LACC1: variants seen among roughly 807,000 people sequenced by gnomAD.
LACC1 encodes the protein laccase domain multifunctional purine nucleosidase 1.
LACC1 carries 25 observed loss-of-function variants against 34.8 expected under a neutral mutation model. The ratio of observed to expected loss-of-function variants is 0.72; its 90% confidence interval spans 0.52 to 1.00. The LOEUF is 1.00. Among genes scored for constraint, LACC1 ranks in the 50% least tolerant of loss-of-function variants. LACC1 has a pLI of 0.00. For synonymous variants in LACC1, 162 were observed against 168.0 expected (o/e 0.96, Z 0.28); for missense variants, 426 against 511.2 (o/e 0.83, Z 1.61).
In LACC1 at chr13:43,880,979, T is replaced by G; in HGVS notation, c.-7T>G. On this transcript the variant is annotated 5_prime_UTR_variant, in exon 2 of 7. Coordinates refer to ENST00000325686, the MANE Select transcript of LACC1 (RefSeq NM_153218.4). ...GATTTATTTGGCATAAAAGTATTCT[T>G]TCAAGGATGGCAGAAGCTGTTTTGA... 1 of 1,606,566 alleles carries G rather than the reference T, an allele frequency of 6.2e-7. No homozygotes were observed. The highest frequency in any genetic ancestry group is 8.5e-7 in the Non-Finnish European group (1 of 1,176,124).
chr13:43,882,106 C>T (rs1157505470), intron 2 of LACC1, 79 bp from the exon 3 acceptor site: 3 of 1,038,032 alleles, frequency 2.9e-6, no homozygotes. Flanking sequence ...GGGCAGGTAG[C>T]AGTGATCAGG....
chr13:43,883,836 C>T lies in LACC1; in HGVS notation c.807C>T (p.Thr269=). The T allele has an allele frequency of 6.2e-7, 1 of 1,613,524 alleles. No homozygotes were observed. The highest frequency in any genetic ancestry group is 8.5e-7 in the Non-Finnish European group (1 of 1,179,590). The change falls in exon 4 of 7, where the codon ACC becomes ACT. Residue 269 remains threonine, a synonymous_variant. Coordinates refer to ENST00000325686, the MANE Select transcript of LACC1 (RefSeq NM_153218.4). ...RKEPDSYDGI[T]TNQRGVTIAA... The stretch of plus-strand genomic sequence containing the variant: ...AGCCTGACTCTTATGATGGAATAAC[C>T]ACAAATCAGAGAGGAGTCACAATAG...
chr13:43,881,617 C>A lies in LACC1; in HGVS notation c.562+70C>A, dbSNP rs1407492081. On this transcript the variant is annotated intron_variant, in intron 2 of 6. Coordinates refer to ENST00000325686, the MANE Select transcript of LACC1 (RefSeq NM_153218.4). Reference sequence around the variant, plus strand: ...CTAGTCTTTCTTCAGAGGTAGTTCACCTCTTTTTTTCCTCCTTTCTTTTGT... The same window carrying A: ...CTAGTCTTTCTTCAGAGGTAGTTCAACTCTTTTTTTCCTCCTTTCTTTTGT... 3 of 1,192,772 alleles carry A rather than the reference C, an allele frequency of 2.5e-6. No homozygotes were observed. The African/African-American group carries it at 4.6e-5, about 18-fold the overall frequency. The allele number at this position is 1,192,772 out of a possible 1,614,324, so 73.9% of individuals were successfully genotyped here.
intron 2 of LACC1, among the ~76,000 whole-genome samples, chr13:43,881,785 T>A (rs1458623994): frequency 6.6e-6 from 1 of 152,178 alleles, no homozygotes; most frequent in Non-Finnish European, 1.5e-5. Flanking sequence ...AATTTGATGA[T>A]GAGACAAATA....
Position 43,890,039 on chromosome 13 carries a change from C to T in LACC1, c.1134-75C>T, listed in dbSNP as rs115557042. 574 of 1,283,800 alleles carry T rather than the reference C, an allele frequency of 4.5e-4. 2 individuals carry two copies. The African/African-American group carries it at 8.1e-3, about 18-fold the overall frequency. 79.5% of individuals were successfully genotyped at this position (1,283,800 alleles called of 1,614,324 possible). A position where few individuals can be genotyped will look rare whatever the true frequency, so the allele number is the denominator to read the frequency against. ...CCTGGAACTTTTTCATGCCAACATC[C>T]ATACTTTTTTTCATATTGCTTTGGC... On this transcript the variant is annotated intron_variant, in intron 5 of 6. Coordinates refer to ENST00000325686, the MANE Select transcript of LACC1 (RefSeq NM_153218.4).
At chr13:43,884,203 C>G (rs1463444084) in intron 4 of LACC1, among the ~76,000 whole-genome samples, 2 of 152,130 alleles carry the variant, frequency 1.3e-5, no homozygotes, top group Non-Finnish European at 2.9e-5. Context: ...TAACAGTGTT[C>G]CTTAGCAAGG....
At chr13:43,889,106 A>G (rs1043422003) in intron 5 of LACC1, 124 bp downstream of exon 5, 6 of 702,818 alleles carry the variant, frequency 8.5e-6, no homozygotes, top group Non-Finnish European at 4.9e-6. Context: ...AGCAGCTGAC[A>G]TGCACATGTA....
chr13:43,891,255 T>A lies in LACC1; in HGVS notation c.*2-194T>A, dbSNP rs1955558910. ...TACAAAAATATTTCATGGCACTGAT[T>A]TAGCACTGCCCCTATAAGATATGTG... On this transcript the variant is annotated intron_variant, in intron 6 of 6. Transcript: ENST00000325686. 3.9e-5 allele frequency among the ~76,000 whole-genome samples: 6 copies of A among 152,232 alleles called. No individual in the cohort carries two copies. In the South Asian group the frequency reaches 1.2e-3, roughly 32 times the overall value.
Position 43,892,231 on chromosome 13 carries a change from A to C in LACC1, c.*784A>C, listed in dbSNP as rs1248468314. The C allele has an allele frequency of 9.5e-5, 14 of 147,910 alleles. No individual in the cohort carries two copies. Among genetic ancestry groups the C allele is most frequent in the African/African-American group, 3.0e-4 (12 of 40,630 alleles). 9.2% of individuals were successfully genotyped at this position (147,910 alleles called of 1,614,324 possible). A position where few individuals can be genotyped will look rare whatever the true frequency, so the allele number is the denominator to read the frequency against. On this transcript the variant is annotated 3_prime_UTR_variant, in exon 7 of 7. Transcript: ENST00000325686. ...TTTTTTTTTTTTCCCATGGCATCATATTTAAGAGGATGGATTTAAATTGTG... is the reference window on the plus strand; with the variant it reads ...TTTTTTTTTTTTCCCATGGCATCATCTTTAAGAGGATGGATTTAAATTGTG...
In LACC1 at chr13:43,892,166, G is replaced by T. The variant is rs1194802663; in HGVS notation, c.*719G>T. ...AAAGAGCTTGCAGTTTATTTTCCAG[G>T]CAATGAGTAGGCAGCCAAAAAAAAA... On this transcript the variant is annotated 3_prime_UTR_variant, in exon 7 of 7. Coordinates refer to ENST00000325686, the MANE Select transcript of LACC1 (RefSeq NM_153218.4). The T allele has an allele frequency of 1.4e-5, 2 of 147,632 alleles. No homozygotes were observed. The highest frequency in any genetic ancestry group is 3.0e-5 in the Non-Finnish European group (2 of 67,052). The allele number at this position is 147,632 out of a possible 1,614,324, so 9.1% of individuals were successfully genotyped here.
rs547971552 is a variant in LACC1 at position 43,882,050 on chromosome 13, C to T, written c.563-135C>T. Reference sequence around the variant, plus strand: ...AACACAAAGCAGAATGCCATAAGAACATATGGAGGTACAAAATGCCATAGA... The same window carrying T: ...AACACAAAGCAGAATGCCATAAGAATATATGGAGGTACAAAATGCCATAGA... On this transcript the variant is annotated intron_variant, in intron 2 of 6. Coordinates refer to ENST00000325686, the MANE Select transcript of LACC1 (RefSeq NM_153218.4). The T allele has an allele frequency of 3.8e-4, 232 of 615,522 alleles. 1 individual carries two copies. Among genetic ancestry groups the T allele is most frequent in the Non-Finnish European group, 6.0e-4 (216 of 360,790 alleles). The allele number at this position is 615,522 out of a possible 1,614,324, so 38.1% of individuals were successfully genotyped here.
At chr13:43,882,921 C>G (rs892701916) in intron 3 of LACC1, among the ~76,000 whole-genome samples, 1 of 151,806 alleles carries the variant, frequency 6.6e-6, no homozygotes, top group Admixed American at 6.6e-5. Flanking sequence ...AGGCCACAAC[C>G]CACCCTCGAC....
intron 4 of LACC1, among the ~76,000 whole-genome samples, chr13:43,886,017 T>G (rs1449287873): frequency 6.6e-6 from 1 of 152,206 alleles, no homozygotes; most frequent in Admixed American, 6.6e-5. Context: ...TTGATATTAC[T>G]AATCATTAGA....
intron 6 of LACC1, among the ~76,000 whole-genome samples, chr13:43,890,624 C>G (rs980825279): frequency 3.3e-5 from 5 of 152,194 alleles, no homozygotes; most frequent in Non-Finnish European, 7.3e-5. Context: ...TTTCTCTCTA[C>G]TATGTACTTG....
rs112582504 is a variant in LACC1, at chr13:43,880,323, G to C, written c.-35+204G>C. Among the ~76,000 whole-genome samples the C allele has an allele frequency of 4.8e-4, 73 of 151,316 alleles. 1 individual carries two copies. Among genetic ancestry groups the C allele is most frequent in the African/African-American group, 1.5e-3 (63 of 41,278 alleles). Reference sequence around the variant, plus strand: ...CACCAAAGGGGGTCACCGGAGCCCCGCAGGTTGGGGTGGGAGGGCTGGGCT... The same window carrying C: ...CACCAAAGGGGGTCACCGGAGCCCCCCAGGTTGGGGTGGGAGGGCTGGGCT... On this transcript the variant is annotated intron_variant, in intron 1 of 6. Transcript: ENST00000325686.
At position 43,881,073 on chromosome 13, in the gene LACC1, G is replaced by A. The variant is rs769059472; in HGVS notation, c.88G>A (p.Ala30Thr). ...CHQTLLKTLN[A>T]VQYHHAAKAK... is the part of the protein sequence containing the mutation. ...TCAGACATTACTGAAGACTTTGAAT[G>A]CTGTCCAATACCACCATGCTGCCAA... Residue 30 changes from alanine (A) to threonine (T), a missense_variant, in exon 2 of 7, where the codon GCT (alanine) becomes ACT (threonine). By Grantham distance (58) the Ala-to-Thr change is moderately conservative (BLOSUM62 0). Around this residue, in one of 2 missense-constraint regions of LACC1, gnomAD observed 217 missense variants for 210.9 expected, o/e 1.03. Transcript: ENST00000325686. The A allele has an allele frequency of 1.2e-6, 2 of 1,614,144 alleles. No individual in the cohort carries two copies. Among genetic ancestry groups the A allele is most frequent in the South Asian group, 1.1e-5 (1 of 91,084 alleles).
At position 43,892,561 on chromosome 13, in the gene LACC1, G is replaced by A. The variant is rs1955608889; in HGVS notation, c.*1114G>A. On this transcript the variant is annotated 3_prime_UTR_variant, in exon 7 of 7. Coordinates refer to ENST00000325686, the MANE Select transcript of LACC1 (RefSeq NM_153218.4). ...TGAGTTTGACTTTACATAGAATGAA[G>A]GGCATCCAGATAGAAATCTTTGGTT... 1 of 152,016 alleles carries A rather than the reference G, an allele frequency of 6.6e-6. No homozygotes were observed. Among genetic ancestry groups the A allele is most frequent in the South Asian group, 2.1e-4 (1 of 4,826 alleles). 9.4% of individuals were successfully genotyped at this position (152,016 alleles called of 1,614,324 possible). A position where few individuals can be genotyped will look rare whatever the true frequency, so the allele number is the denominator to read the frequency against.
Position 43,891,986 on chromosome 13 carries a change from A to G in LACC1, c.*539A>G, listed in dbSNP as rs564209809. 1 of 152,162 alleles carries G rather than the reference A, an allele frequency of 6.6e-6. No individual in the cohort carries two copies. Among genetic ancestry groups the G allele is most frequent in the Non-Finnish European group, 1.5e-5 (1 of 68,004 alleles). 9.4% of individuals were successfully genotyped at this position (152,162 alleles called of 1,614,324 possible). On this transcript the variant is annotated 3_prime_UTR_variant, in exon 7 of 7. Transcript: ENST00000325686. ...CGAAAGATGTAGAGGTTTTTGACAA[A>G]TGAAGAACAACCATAACAGGTAGAG...
chr13:43,881,189 A>G lies in LACC1; in HGVS notation c.204A>G (p.Gly68=). The G allele has an allele frequency of 6.2e-7, 1 of 1,614,190 alleles. No individual in the cohort carries two copies. Among genetic ancestry groups the G allele is most frequent in the Non-Finnish European group, 8.5e-7 (1 of 1,180,020 alleles). ...ATTGTGAAATAGAAACAAGCAATGG[A>G]TTATCAGCTCTCTTGGAAGAATTTG... ...QDNCEIETSN[G]LSALLEEFEI... is the part of the protein sequence containing the mutation. Residue 68 remains glycine, a synonymous_variant, in exon 2 of 7, where the codon GGA becomes GGG. Transcript: ENST00000325686.
Sources: gnomAD v4.1 joint callset for allele counts (sites outside exome capture counted in the v4.1 genomes callset) on GRCh38, gnomAD v4.1.1 for gene constraint, gnomAD v4.1.1 regional missense constraint, MANE v1.5 for transcripts, NCBI Gene and HGNC (gene_info 2026-07-23, HGNC 2026-07-21) for gene names.